The following FGGY variants were observed in gnomAD, a reference collection of about 807,000 sequenced individuals.
FGGY encodes the protein FGGY carbohydrate kinase domain containing, also known as FGGY carbohydrate kinase domain-containing protein.
Under a neutral mutation model 71.3 loss-of-function variants are expected in FGGY, and 72 were observed. The observed-to-expected ratio is 1.01, with a 90% CI of 0.84 to 1.23. The LOEUF is 1.23. FGGY is among the 50% of genes most tolerant of loss of function. FGGY has a pLI of 0.00. For synonymous variants in FGGY, 251 were observed against 250.3 expected (o/e 1.00, Z -0.02); for missense variants, 668 against 682.3 (o/e 0.98, Z 0.23).
At chr1:59,319,982 T>G (rs1475071377) in intron 1 of FGGY, among the ~76,000 whole-genome samples, 1 of 152,222 alleles carries the variant, frequency 6.6e-6, no homozygotes, top group East Asian at 1.9e-4. Context: ...GTATCACTGT[T>G]GAATGAATGA....
intron 5 of FGGY, among the ~76,000 whole-genome samples, chr1:59,426,627 C>G (rs1162832890): frequency 1.3e-5 from 2 of 152,188 alleles, no homozygotes; most frequent in Non-Finnish European, 2.9e-5. Context: ...ACTCACAGGC[C>G]TCCCCTACGT....
chr1:59,594,041 A>G (rs973073054), intron 8 of FGGY, among the ~76,000 whole-genome samples: 1 of 152,184 alleles, frequency 6.6e-6, no homozygotes, highest in Non-Finnish European at 1.5e-5. Flanking sequence ...ACAACAATTA[A>G]CACAAATCCC....
At chr1:59,732,288 T>C (rs17119750) in intron 14 of FGGY, among the ~76,000 whole-genome samples, 4,322 of 152,230 alleles carry the variant, frequency 0.028, 173 homozygotes, top group African/African-American at 0.097. Flanking sequence ...GAGATCACAG[T>C]GTATTTAGGG....
At chr1:59,468,131 G>A (rs942299241) in intron 6 of FGGY, among the ~76,000 whole-genome samples, 1 of 152,022 alleles carries the variant, frequency 6.6e-6, no homozygotes, top group African/African-American at 2.4e-5. Flanking sequence ...TCGAACTCTC[G>A]ACCTCAAGTG....
At chr1:59,622,115 T>C (rs1277188171) in intron 9 of FGGY, among the ~76,000 whole-genome samples, 2 of 152,122 alleles carry the variant, frequency 1.3e-5, no homozygotes, top group Non-Finnish European at 2.9e-5. Flanking sequence ...CCATCTACTA[T>C]ATATTTATTT....
intron 1 of FGGY, among the ~76,000 whole-genome samples, chr1:59,320,573 G>A (rs1209360433): frequency 6.6e-6 from 1 of 152,192 alleles, no homozygotes; most frequent in African/African-American, 2.4e-5. Flanking sequence ...ACTTAGAGCA[G>A]CCATGAAGGC....
intron 5 of FGGY, among the ~76,000 whole-genome samples, chr1:59,446,692 A>C (rs2071333376): frequency 1.3e-5 from 2 of 152,192 alleles, no homozygotes; most frequent in African/African-American, 4.8e-5. Flanking sequence ...CCTGTGATGT[A>C]CCAAAGGCTG....
intron 8 of FGGY, among the ~76,000 whole-genome samples, chr1:59,572,694 A>C (rs1389859656): frequency 6.6e-6 from 1 of 152,180 alleles, no homozygotes; most frequent in African/African-American, 2.4e-5. Flanking sequence ...AAAGATGTTT[A>C]GAAGATAAAA....
At chr1:59,384,373 T>C (rs2059837679) in intron 5 of FGGY, among the ~76,000 whole-genome samples, 1 of 152,174 alleles carries the variant, frequency 6.6e-6, no homozygotes, top group South Asian at 2.1e-4. Flanking sequence ...AGCTTGCATC[T>C]GTGTTTCTCT....
intron 5 of FGGY, among the ~76,000 whole-genome samples, chr1:59,380,743 G>T (rs141955922): frequency 6.6e-6 from 1 of 151,500 alleles, no homozygotes; most frequent in Admixed American, 6.6e-5. Flanking sequence ...TCTGTAAGTT[G>T]CCTGTTCACT....
At chr1:59,745,441 A>T (rs749477505) in intron 14 of FGGY, among the ~76,000 whole-genome samples, 5 of 152,168 alleles carry the variant, frequency 3.3e-5, no homozygotes, top group Non-Finnish European at 7.3e-5. Flanking sequence ...ATATTATCAC[A>T]CATTTTGATT....
chr1:59,388,224 T>G (rs1264184257), intron 5 of FGGY, among the ~76,000 whole-genome samples: 1 of 152,150 alleles, frequency 6.6e-6, no homozygotes, highest in Non-Finnish European at 1.5e-5. Flanking sequence ...CCAGACCTGC[T>G]TGGGTATGAT....
At chr1:59,508,368 T>G (rs2153624047) in intron 6 of FGGY, among the ~76,000 whole-genome samples, 1 of 152,354 alleles carries the variant, frequency 6.6e-6, no homozygotes, top group East Asian at 1.9e-4. Flanking sequence ...CTGAAATGTT[T>G]GTTAAAATGC....
chr1:59,521,144 T>A (rs1015183261), intron 7 of FGGY, among the ~76,000 whole-genome samples: 4 of 152,180 alleles, frequency 2.6e-5, no homozygotes, highest in South Asian at 2.1e-4. Context: ...AGTTCCTGGA[T>A]GTGAATCACA....
intron 6 of FGGY, among the ~76,000 whole-genome samples, chr1:59,511,347 T>C (rs621517): frequency 0.42 from 63,154 of 151,808 alleles, 14,331 homozygotes; most frequent in African/African-American, 0.6. Context: ...AATTGCTGAT[T>C]ATGCACCCAG....
chr1:59,744,013 A>G (rs1435490203), intron 14 of FGGY, among the ~76,000 whole-genome samples: 1 of 152,262 alleles, frequency 6.6e-6, no homozygotes, highest in East Asian at 1.9e-4. Flanking sequence ...AGAGAACATT[A>G]CAAGATCCTG....
rs768288661 is a variant in FGGY, at chr1:59,607,816, C to G, written c.917C>G (p.Pro306Arg). 6.2e-7 allele frequency: 1 copy of G among 1,613,802 alleles called. No individual in the cohort carries two copies. The highest frequency in any genetic ancestry group is 2.2e-5 in the East Asian group (1 of 44,868). Residue 306 changes from proline to arginine, a missense_variant, in exon 9 of 16, where the codon CCG (proline) becomes CGG (arginine). Physicochemically the swap from Pro to Arg is moderately radical, Grantham distance 103. Coordinates refer to ENST00000303721, the MANE Select transcript of FGGY (RefSeq NM_018291.5). ...CTTTCTTTCCAGATCAGCAAAGACC[C>G]GATTTTTGTACCAGGCGTCTGGGGG... ...SSCHMGISKD[P>R]IFVPGVWGPY...
intron 5 of FGGY, among the ~76,000 whole-genome samples, chr1:59,421,266 G>A (rs2065361738): frequency 6.6e-6 from 1 of 152,124 alleles, no homozygotes; most frequent in South Asian, 2.1e-4. Context: ...GTAAAACATA[G>A]GAGGCATATA....
At chr1:59,692,500 C>G (rs1225930081) in intron 14 of FGGY, among the ~76,000 whole-genome samples, 1 of 152,094 alleles carries the variant, frequency 6.6e-6, no homozygotes, top group Non-Finnish European at 1.5e-5. Flanking sequence ...GACAAAGCCT[C>G]TGTTTTAAGC....
Sources: gnomAD v4.1 joint callset for allele counts (sites outside exome capture counted in the v4.1 genomes callset) on GRCh38, gnomAD v4.1.1 for gene constraint, MANE v1.5 for transcripts, NCBI Gene and HGNC (gene_info 2026-07-23, HGNC 2026-07-21) for gene names.